Variants in HS6ST3 observed in about 807,000 individuals in gnomAD.
HS6ST3 encodes heparan-sulfate 6-O-sulfotransferase 3.
Under a neutral mutation model 36.7 loss-of-function variants are expected in HS6ST3, and 12 were observed. The observed-to-expected ratio is 0.33, with a 90% CI of 0.21 to 0.53. HS6ST3 has a LOEUF of 0.53. Ranked by LOEUF, HS6ST3 falls within the 20% of genes least tolerant of loss-of-function variation. The pLI, the probability that HS6ST3 is intolerant of heterozygous loss-of-function variation, is 0.95. For missense variants in HS6ST3, 584 were observed against 640.9 expected (o/e 0.91, Z 0.96); for synonymous variants, 240 against 257.5 (o/e 0.93, Z 0.65).
rs1202559948 is a variant in HS6ST3, at chr13:96,298,924, C to T, written c.707+207355C>T. Among the ~76,000 whole-genome samples the T allele has an allele frequency of 2.6e-5, 4 of 152,028 alleles. No homozygotes were observed. In the East Asian group the frequency reaches 5.8e-4, roughly 22 times the overall value. ...GTTGGAGATAAAGGAAAAGCAATAT[C>T]CTTTTTAAATTTGTAAGTTCAGTTG... On this transcript the variant is annotated intron_variant, in intron 1 of 1. Coordinates refer to ENST00000376705, the MANE Select transcript of HS6ST3 (RefSeq NM_153456.4).
At chr13:96,644,876 A>AAGATCCTGCAGAAAGCATGT (rs1566419324) in intron 1 of HS6ST3, among the ~76,000 whole-genome samples, 1 of 151,960 alleles carries the variant, frequency 6.6e-6, no homozygotes. Context: ...TTCTGCAGGA[A>AAGATCCTGCAGAAAGCATGT]TAGCATGCTT....
At chr13:96,288,674 A>G (rs1161918927) in intron 1 of HS6ST3, among the ~76,000 whole-genome samples, 1 of 152,134 alleles carries the variant, frequency 6.6e-6, no homozygotes, top group Non-Finnish European at 1.5e-5. Flanking sequence ...CAGCATGATA[A>G]AGACCATTTA....
chr13:96,528,797 A>G (rs1594800490), intron 1 of HS6ST3, among the ~76,000 whole-genome samples: 1 of 152,182 alleles, frequency 6.6e-6, no homozygotes, highest in Non-Finnish European at 1.5e-5. Flanking sequence ...ATTTGTCAGG[A>G]CTAGATTTTC....
intron 1 of HS6ST3, among the ~76,000 whole-genome samples, chr13:96,517,845 G>T (rs959007289): frequency 6.6e-6 from 1 of 151,986 alleles, no homozygotes; most frequent in African/African-American, 2.4e-5. Flanking sequence ...AAGTGAAAAC[G>T]TGCAGTATTT....
chr13:96,518,740 T>A (rs913654614), intron 1 of HS6ST3, among the ~76,000 whole-genome samples: 2 of 152,188 alleles, frequency 1.3e-5, no homozygotes, highest in African/African-American at 4.8e-5. Context: ...AATTTAATTA[T>A]CCACTTATAT....
intron 1 of HS6ST3, among the ~76,000 whole-genome samples, chr13:96,678,014 G>A (rs2056705192): frequency 1.3e-5 from 2 of 152,184 alleles, no homozygotes; most frequent in East Asian, 1.9e-4. Flanking sequence ...CAATAGAAAT[G>A]TATTGACTCA....
At chr13:96,175,652 A>G (rs2054209278) in intron 1 of HS6ST3, among the ~76,000 whole-genome samples, 1 of 148,084 alleles carries the variant, frequency 6.8e-6, no homozygotes, top group Non-Finnish European at 1.5e-5. Context: ...TGTTTTGTGT[A>G]ATTACTTCAA....
At chr13:96,356,166 C>T (rs1274237174) in intron 1 of HS6ST3, among the ~76,000 whole-genome samples, 1 of 152,100 alleles carries the variant, frequency 6.6e-6, no homozygotes, top group African/African-American at 2.4e-5. Context: ...ATTTCTACCC[C>T]AACTGTGGTT....
At chr13:96,251,324 A>G (rs1250336938) in intron 1 of HS6ST3, among the ~76,000 whole-genome samples, 1 of 152,104 alleles carries the variant, frequency 6.6e-6, no homozygotes, top group African/African-American at 2.4e-5. Flanking sequence ...GGTAGGTTAT[A>G]CGTTTTTAAG....
chr13:96,324,398 G>T (rs1264526144), intron 1 of HS6ST3, among the ~76,000 whole-genome samples: 1 of 152,172 alleles, frequency 6.6e-6, no homozygotes, highest in African/African-American at 2.4e-5. Context: ...AAGTGATATG[G>T]TGTGGAATCT....
At chr13:96,361,273 A>G (rs1456128916) in intron 1 of HS6ST3, among the ~76,000 whole-genome samples, 4 of 152,188 alleles carry the variant, frequency 2.6e-5, no homozygotes, top group African/African-American at 7.2e-5. Context: ...CATGATTTCA[A>G]TCCAGTCTCT....
intron 1 of HS6ST3, among the ~76,000 whole-genome samples, chr13:96,547,049 A>G (rs944927909): frequency 6.6e-6 from 1 of 152,194 alleles, no homozygotes; most frequent in Non-Finnish European, 1.5e-5. Context: ...TTTGACTTTT[A>G]CTTCTCAAGG....
At chr13:96,568,492 C>T (rs118097201) in intron 1 of HS6ST3, among the ~76,000 whole-genome samples, 8,057 of 152,168 alleles carry the variant, frequency 0.053, 292 homozygotes, top group Non-Finnish European at 0.082. Context: ...GTCCTGACCT[C>T]GTGATCTGCC....
At chr13:96,625,911 GCTCAC>G (rs1343835501) in intron 1 of HS6ST3, among the ~76,000 whole-genome samples, 1 of 151,590 alleles carries the variant, frequency 6.6e-6, no homozygotes, top group Non-Finnish European at 1.5e-5. Flanking sequence ...CGCGATCTCG[GCTCAC>G]TGCAAGCTCC....
chr13:96,396,751 T>C (rs1381362576), intron 1 of HS6ST3, among the ~76,000 whole-genome samples: 1 of 152,162 alleles, frequency 6.6e-6, no homozygotes, highest in Non-Finnish European at 1.5e-5. Context: ...GCAAGGGCAA[T>C]GGGTGTCCTC....
At chr13:96,182,890 C>A (rs966967124) in intron 1 of HS6ST3, among the ~76,000 whole-genome samples, 1 of 152,186 alleles carries the variant, frequency 6.6e-6, no homozygotes, top group African/African-American at 2.4e-5. Context: ...AAACTGTTAG[C>A]TTCCTTTTCA....
chr13:96,293,066 T>C (rs919310723), intron 1 of HS6ST3, among the ~76,000 whole-genome samples: 4 of 152,110 alleles, frequency 2.6e-5, no homozygotes, highest in Non-Finnish European at 4.4e-5. Context: ...ATCAATATTT[T>C]ATTATTGAAT....
chr13:96,144,890 A>T (rs2054049602), intron 1 of HS6ST3, among the ~76,000 whole-genome samples: 1 of 146,372 alleles, frequency 6.8e-6, no homozygotes. Context: ...GAGTGAGAAC[A>T]TGAGGTGTTT....
rs1156536172 is a variant in HS6ST3, at chr13:96,296,043, A to T, written c.707+204474A>T. On this transcript the variant is annotated intron_variant, in intron 1 of 1. Transcript: ENST00000376705. ...ACAGGAGCCACTAGCCATATATACT[A>T]TTTACATTTAAATAAAAATTAAACA... Among the ~76,000 whole-genome samples, 8 of 152,208 alleles carry T rather than the reference A, an allele frequency of 5.3e-5. No homozygotes were observed. In the South Asian group the frequency reaches 1.7e-3, roughly 32 times the overall value.
Sources: allele counts gnomAD v4.1 joint callset (sites outside exome capture counted in the v4.1 genomes callset), GRCh38; gene constraint gnomAD v4.1.1; transcripts MANE v1.5; gene names NCBI Gene and HGNC (gene_info 2026-07-23, HGNC 2026-07-21).